STK32B: variants seen among roughly 807,000 people sequenced by gnomAD.
The protein encoded by STK32B is serine/threonine-protein kinase 32B.
STK32B carries 43 observed loss-of-function variants against 52.6 expected under a neutral mutation model. The observed-to-expected ratio is 0.82, with a 90% CI of 0.64 to 1.05. STK32B has a LOEUF of 1.05. Among genes scored for constraint, STK32B ranks in the 50% least tolerant of loss-of-function variants. The pLI is 0.00. For missense variants in STK32B, 621 were observed against 534.6 expected, an observed-to-expected ratio of 1.16 and a Z score of -1.59; for synonymous variants, 238 against 204.3, an observed-to-expected ratio of 1.17 and a Z score of -1.41.
At chr4:5,104,766 A>C (rs1714007862) in intron 1 of STK32B, among the ~76,000 whole-genome samples, 1 of 152,226 alleles carries the variant, frequency 6.6e-6, no homozygotes, top group African/African-American at 2.4e-5. Flanking sequence ...ATATAAATAG[A>C]ATTATGAATG....
At chr4:5,020,997 C>T in the STK32B span, among the ~76,000 whole-genome samples, 1 of 152,184 alleles carries the variant, frequency 6.6e-6, no homozygotes, top group Non-Finnish European at 1.5e-5. Flanking sequence ...CCTGGGCAAG[C>T]TCCACATTCC....
At chr4:5,353,149 C>T (rs1047082465) in intron 4 of STK32B, among the ~76,000 whole-genome samples, 1 of 151,976 alleles carries the variant, frequency 6.6e-6, no homozygotes, top group Non-Finnish European at 1.5e-5. Context: ...AAGAACGTAC[C>T]TGGGGAAACA....
At chr4:5,101,569 A>T (rs1713789365) in intron 1 of STK32B, among the ~76,000 whole-genome samples, 1 of 152,096 alleles carries the variant, frequency 6.6e-6, no homozygotes, top group African/African-American at 2.4e-5. Flanking sequence ...TTCCTTTATC[A>T]TTTTTTCTGA....
intron 3 of STK32B, among the ~76,000 whole-genome samples, chr4:5,220,038 T>G (rs1169075003): frequency 6.6e-6 from 1 of 152,212 alleles, no homozygotes; most frequent in Non-Finnish European, 1.5e-5. Context: ...TTCAATTTTA[T>G]TGTACACACT....
chr4:5,448,726 C>G (rs1399834184), intron 7 of STK32B, among the ~76,000 whole-genome samples: 2 of 152,120 alleles, frequency 1.3e-5, no homozygotes, highest in Non-Finnish European at 2.9e-5. Context: ...GATGGGGGAT[C>G]CAGGCCTTTG....
rs1732231227 is a variant in STK32B at position 5,331,283 on chromosome 4, G to A, written c.324G>A (p.Leu108=). The part of the protein sequence containing the change: ...MVVDLLLGGD[L]RYHLQQNVHF... ...TGGACCTGCTCCTGGGAGGCGACCT[G>A]CGCTACCATCTGCAGCAGAATGTGC... The change falls in exon 4 of 12, where the codon CTG becomes CTA. Residue 108 remains leucine (L), a synonymous_variant. Transcript: ENST00000282908. 5 of 1,614,012 alleles carry A rather than the reference G, an allele frequency of 3.1e-6. No individual in the cohort carries two copies. Among genetic ancestry groups the A allele is most frequent in the East Asian group, 2.2e-5 (1 of 44,858 alleles).
At chr4:5,034,333 G>A in the STK32B span, among the ~76,000 whole-genome samples, 2 of 152,150 alleles carry the variant, frequency 1.3e-5, no homozygotes, top group African/African-American at 2.4e-5. Context: ...TCTCTCATAC[G>A]TGGGCGTCAA....
chr4:5,171,194 A>C (rs2108740439), intron 3 of STK32B, among the ~76,000 whole-genome samples: 1 of 151,984 alleles, frequency 6.6e-6, no homozygotes, highest in South Asian at 2.1e-4. Flanking sequence ...TTCATTGTAG[A>C]TTCTGGATAT....
intron 1 of STK32B, among the ~76,000 whole-genome samples, chr4:5,139,263 A>T (rs1716259649): frequency 6.6e-6 from 1 of 152,190 alleles, no homozygotes; most frequent in African/African-American, 2.4e-5. Context: ...GAGACCACTC[A>T]TCCTGCATTC....
chr4:5,108,441 T>C (rs1196654476), intron 1 of STK32B, among the ~76,000 whole-genome samples: 1 of 152,208 alleles, frequency 6.6e-6, no homozygotes, highest in African/African-American at 2.4e-5. Context: ...TTTTCTAAAG[T>C]GCCCTTCTCA....
chr4:5,341,835 G>A (rs953570623), intron 4 of STK32B, among the ~76,000 whole-genome samples: 6 of 152,106 alleles, frequency 3.9e-5, no homozygotes, highest in Non-Finnish European at 8.8e-5. Flanking sequence ...AGGAGACAGG[G>A]GAGGTGCTAT....
chr4:5,083,718 A>G (rs2108777319), intron 1 of STK32B, among the ~76,000 whole-genome samples: 1 of 151,678 alleles, frequency 6.6e-6, no homozygotes, highest in South Asian at 2.1e-4. Flanking sequence ...TTCCTTAGAT[A>G]TAGACTGCTC....
rs184963795 is a variant in STK32B at position 5,324,320 on chromosome 4, C to T, written c.261-6900C>T. ...AGTGAGCCAAGATTGCACCACTGCA[C>T]CCCAGCCTGGGCAACAGAGGGAGAC... On this transcript the variant is annotated intron_variant, in intron 3 of 11. Coordinates refer to ENST00000282908, the MANE Select transcript of STK32B (RefSeq NM_018401.3). Among the ~76,000 whole-genome samples, 999 of 152,156 alleles carry T rather than the reference C, an allele frequency of 6.6e-3. 6 individuals are homozygous for T. The highest frequency in any genetic ancestry group is 0.011 in the Non-Finnish European group (777 of 67,988).
chr4:5,365,744 T>C (rs974748369), intron 4 of STK32B, among the ~76,000 whole-genome samples: 1 of 152,216 alleles, frequency 6.6e-6, no homozygotes, highest in Non-Finnish European at 1.5e-5. Flanking sequence ...ACTTGGGAGC[T>C]TGTCTTTGCT....
intron 1 of STK32B, among the ~76,000 whole-genome samples, chr4:5,135,212 C>T (rs1027725610): frequency 6.6e-6 from 1 of 152,172 alleles, no homozygotes; most frequent in African/African-American, 2.4e-5. Flanking sequence ...AAATGCTTAA[C>T]CTTTATTAAT....
intron 4 of STK32B, among the ~76,000 whole-genome samples, chr4:5,339,867 C>A (rs1237912434): frequency 6.6e-6 from 1 of 152,130 alleles, no homozygotes; most frequent in African/African-American, 2.4e-5. Context: ...CTTTTAGACG[C>A]CTCATACTTA....
intron 4 of STK32B, among the ~76,000 whole-genome samples, chr4:5,355,292 T>C (rs931497452): frequency 4.6e-5 from 7 of 152,116 alleles, no homozygotes; most frequent in Non-Finnish European, 8.8e-5. Flanking sequence ...ATGAGGACCT[T>C]ATATATAAGC....
At chr4:5,425,292 C>A (rs1712997271) in intron 6 of STK32B, among the ~76,000 whole-genome samples, 1 of 152,204 alleles carries the variant, frequency 6.6e-6, no homozygotes, top group South Asian at 2.1e-4. Flanking sequence ...TGAAGCAACA[C>A]CCCAAGGATC....
chr4:5,447,840 G>T (rs1157103190), intron 7 of STK32B, among the ~76,000 whole-genome samples: 1 of 152,198 alleles, frequency 6.6e-6, no homozygotes, highest in African/African-American at 2.4e-5. Context: ...GACATGGTTT[G>T]CCTGAGACTC....
Sources: gnomAD v4.1 joint callset for allele counts (sites outside exome capture counted in the v4.1 genomes callset) on GRCh38, gnomAD v4.1.1 for gene constraint, MANE v1.5 for transcripts, NCBI Gene and HGNC (gene_info 2026-07-23, HGNC 2026-07-21) for gene names.